The following ZBTB38 variants were observed in gnomAD, a reference collection of about 807,000 sequenced individuals.
ZBTB38 encodes the protein zinc finger and BTB domain-containing protein 38.
Under a neutral mutation model 76.8 loss-of-function variants are expected in ZBTB38, and 20 were observed. That is an observed-to-expected ratio of 0.26 (90% CI 0.18 to 0.38). The LOEUF is 0.38. Among genes scored for constraint, ZBTB38 ranks in the 10% least tolerant of loss-of-function variants. ZBTB38 has a pLI of 1.00. For missense variants in ZBTB38, 1,082 were observed against 1,482.3 expected (o/e 0.73, Z 4.43); for synonymous variants, 504 against 544.2 (o/e 0.93, Z 1.03).
chr3:141,366,643 CACAA>C (rs917342747), upstream of ZBTB38: 7 of 152,222 alleles, frequency 4.6e-5, no homozygotes, highest in African/African-American at 1.7e-4. Flanking sequence ...GGTAGAACTA[CACAA>C]TGTCCCAGGC....
intron 4 of ZBTB38, among the ~76,000 whole-genome samples, chr3:141,403,426 C>T (rs1470331662): frequency 2.0e-5 from 3 of 152,054 alleles, no homozygotes; most frequent in Non-Finnish European, 4.4e-5. Context: ...ATCAGTTTAG[C>T]GGGTTGCTAC....
At chr3:141,345,868 A>G (rs1388310263) in intron 1 of ZBTB38, among the ~76,000 whole-genome samples, 1 of 152,074 alleles carries the variant, frequency 6.6e-6, no homozygotes, top group Non-Finnish European at 1.5e-5. Flanking sequence ...GTGACAACTG[A>G]AGACACCCCC....
At chr3:141,440,959 T>C (rs534211109) in intron 5 of ZBTB38, among the ~76,000 whole-genome samples, 40 of 145,354 alleles carry the variant, frequency 2.8e-4, no homozygotes, top group African/African-American at 1.0e-3. Flanking sequence ...GCTTGAACCC[T>C]GGAGCCGGAA....
At chr3:141,402,823 G>A (rs1354739174) in intron 4 of ZBTB38, 1 of 152,300 alleles carries the variant, frequency 6.6e-6, no homozygotes, top group Middle Eastern at 3.1e-3. Context: ...GTGGGCTCGA[G>A]TCCAGCGGGC....
At chr3:141,337,463 C>T (rs1387874780) in intron 1 of ZBTB38, among the ~76,000 whole-genome samples, 2 of 152,216 alleles carry the variant, frequency 1.3e-5, no homozygotes, top group African/African-American at 4.8e-5. Context: ...TCATCCCCTC[C>T]AACCCTGCCG....
intron 5 of ZBTB38, chr3:141,431,660 A>G (rs929615812): frequency 6.6e-6 from 1 of 152,058 alleles, no homozygotes; most frequent in African/African-American, 2.4e-5. Flanking sequence ...CGTTCTCACA[A>G]TCCTATGTGC....
chr3:141,432,054 C>G, intron 5 of ZBTB38: 1 of 982,196 alleles, frequency 1.0e-6, no homozygotes, highest in Non-Finnish European at 1.2e-6. Context: ...ACGTAGTCAC[C>G]CAACATGACT....
At chr3:141,390,529 G>C (rs1461230813) in intron 4 of ZBTB38, among the ~76,000 whole-genome samples, 1 of 152,250 alleles carries the variant, frequency 6.6e-6, no homozygotes, top group African/African-American at 2.4e-5. Context: ...TGGATCCCCC[G>C]GAGATGGACT....
chr3:141,438,585 G>C (rs983409352), intron 5 of ZBTB38, among the ~76,000 whole-genome samples: 1 of 152,144 alleles, frequency 6.6e-6, no homozygotes, highest in Non-Finnish European at 1.5e-5. Context: ...CTCTCACTCT[G>C]TCTGGGGTGG....
chr3:141,384,820 G>A (rs1163683063), intron 3 of ZBTB38: 1 of 152,222 alleles, frequency 6.6e-6, no homozygotes, highest in Non-Finnish European at 1.5e-5. Flanking sequence ...TATTTCTGGA[G>A]TAGTTGTGGG....
intron 5 of ZBTB38, among the ~76,000 whole-genome samples, chr3:141,419,531 A>G (rs562003813): frequency 6.6e-6 from 1 of 152,234 alleles, no homozygotes; most frequent in Non-Finnish European, 1.5e-5. Context: ...GCTCAGAGTC[A>G]CAAGATCAGG....
chr3:141,345,774 T>C lies in ZBTB38; in HGVS notation c.-739+21318T>C, dbSNP rs113119294. On this transcript the variant is annotated intron_variant, in intron 1 of 7. Transcript: ENST00000509842. ...CTGGTAGTGCTTAACCTACGATAGG[T>C]TCCAATGCTAGTTTCCTTCCCATCC... Among the ~76,000 whole-genome samples the C allele has an allele frequency of 7.2e-3, 1,093 of 151,712 alleles. 24 individuals carry two copies. Among genetic ancestry groups the C allele is most frequent in the East Asian group, 0.061 (312 of 5,126 alleles).
chr3:141,360,808 C>T (rs1343875738), intron 1 of ZBTB38, among the ~76,000 whole-genome samples: 1 of 152,092 alleles, frequency 6.6e-6, no homozygotes, highest in Non-Finnish European at 1.5e-5. Flanking sequence ...GACGGTATTA[C>T]CCCCAAAATG....
intron 5 of ZBTB38, chr3:141,405,776 GAA>G (rs1954152122): frequency 6.6e-6 from 1 of 152,246 alleles, no homozygotes; most frequent in Non-Finnish European, 1.5e-5. Flanking sequence ...GTGCTAGAGA[GAA>G]TGGAGAATTC....
At chr3:141,436,142 G>A (rs548932437) in intron 5 of ZBTB38, among the ~76,000 whole-genome samples, 2 of 152,284 alleles carry the variant, frequency 1.3e-5, no homozygotes, top group South Asian at 4.1e-4. Context: ...TAGTGGAGGA[G>A]GTTGCTTTAA....
At chr3:141,429,979 C>T (rs2077133070) in intron 5 of ZBTB38, among the ~76,000 whole-genome samples, 1 of 152,208 alleles carries the variant, frequency 6.6e-6, no homozygotes, top group Non-Finnish European at 1.5e-5. Context: ...TGATTTTATC[C>T]TAAGATCAGG....
At chr3:141,391,352 G>T (rs1396378305) in intron 4 of ZBTB38, among the ~76,000 whole-genome samples, 1 of 152,170 alleles carries the variant, frequency 6.6e-6, no homozygotes, top group Admixed American at 6.5e-5. Context: ...CTCATGCTCA[G>T]CCTTCAAACT....
At chr3:141,328,297 A>G (rs967834083) in intron 1 of ZBTB38, among the ~76,000 whole-genome samples, 2 of 152,180 alleles carry the variant, frequency 1.3e-5, no homozygotes, top group Middle Eastern at 3.2e-3. Flanking sequence ...AATGACTCTC[A>G]GATCTAGAGA....
chr3:141,341,430 C>T (rs1050924913), intron 1 of ZBTB38, among the ~76,000 whole-genome samples: 4 of 152,204 alleles, frequency 2.6e-5, no homozygotes, highest in South Asian at 2.1e-4. Context: ...ATAAACCGAA[C>T]GTCCATCAAC....
Sources: gnomAD v4.1 joint callset for allele counts (sites outside exome capture counted in the v4.1 genomes callset) on GRCh38, gnomAD v4.1.1 for gene constraint, MANE v1.5 for transcripts, NCBI Gene and HGNC (gene_info 2026-07-23, HGNC 2026-07-21) for gene names.